Variants in ARPC1B observed in about 807,000 individuals in gnomAD.
ARPC1B encodes actin related protein 2/3 complex subunit 1B.
Under a neutral mutation model 46.0 loss-of-function variants are expected in ARPC1B, and 29 were observed. The ratio of observed to expected loss-of-function variants is 0.63; its 90% CI spans 0.47 to 0.86. ARPC1B has a LOEUF of 0.86. Among genes scored for constraint, ARPC1B ranks in the 40% least tolerant of loss-of-function variants. The pLI is 0.00. For missense variants in ARPC1B, 469 were observed against 529.4 expected (o/e 0.89, Z 1.12); for synonymous variants, 201 against 213.9 (o/e 0.94, Z 0.53).
chr7:99,388,535 T>C (rs1794473360), intron 4 of ARPC1B: 2 of 444,586 alleles, frequency 4.5e-6, no homozygotes. Context: ...TGCAGCTCCG[T>C]GGACTGGGCA....
intron 1 of ARPC1B, among the ~76,000 whole-genome samples, chr7:99,376,744 C>T (rs1794039614): frequency 2.0e-5 from 3 of 152,028 alleles, no homozygotes; most frequent in African/African-American, 7.2e-5. Flanking sequence ...GTGGTGGGCA[C>T]CTGTAATCCC....
At chr7:99,384,492 G>A (rs1794318754) in intron 1 of ARPC1B, among the ~76,000 whole-genome samples, 1 of 152,146 alleles carries the variant, frequency 6.6e-6, no homozygotes, top group Non-Finnish European at 1.5e-5. Context: ...TGGCTGCAGT[G>A]AGCCATGATC....
intron 1 of ARPC1B, among the ~76,000 whole-genome samples, chr7:99,382,566 C>T (rs1475340461): frequency 1.3e-5 from 2 of 152,060 alleles, no homozygotes; most frequent in Non-Finnish European, 2.9e-5. Flanking sequence ...AACTCCTAGG[C>T]TAAGCAATCC....
intron 1 of ARPC1B, among the ~76,000 whole-genome samples, chr7:99,378,370 A>G (rs1794093350): frequency 6.7e-6 from 1 of 149,972 alleles, no homozygotes; most frequent in Admixed American, 6.7e-5. Flanking sequence ...ATGGCACCCC[A>G]CCTGTTTGCT....
chr7:99,394,779 T>TTAAA lies in ARPC1B; in HGVS notation c.*290_*291insTAAA, dbSNP rs1554350911. The TTAAA allele has an allele frequency of 1.5e-4, 146 of 958,110 alleles. 2 individuals are homozygous for TTAAA. The South Asian group carries it at 5.7e-3, about 38-fold the overall frequency. 59.4% of individuals were successfully genotyped at this position (958,110 alleles called of 1,614,324 possible). A position where few individuals can be genotyped will look rare whatever the true frequency, so the allele number is the denominator to read the frequency against. On this transcript the variant is annotated 3_prime_UTR_variant, in exon 10 of 10. Coordinates refer to ENST00000646101, the MANE Select transcript of ARPC1B (RefSeq NM_005720.4). Reference sequence around the variant, plus strand: ...GTGGAGGTAATAAAATGCAACTGTGTAAAAAAAAAAAAAAAAAAAAAAGTA... The same window carrying TTAAA: ...GTGGAGGTAATAAAATGCAACTGTGTTAAAAAAAAAAAAAAAAAAAAAAAAAGTA...
Position 99,374,962 on chromosome 7 carries a change from G to A in ARPC1B, c.-14+181G>A, listed in dbSNP as rs1324579803. On this transcript the variant is annotated intron_variant, in intron 1 of 9. Transcript: ENST00000646101. This position sits in a 1 kb window ranked among gnomAD's most constrained non-coding sequence, Gnocchi z 5.0. ...CATAGATGTGGGGCGCCGCCCAATA[G>A]GGGCACGGGGATGAGTGGGGGCACA... Among the ~76,000 whole-genome samples, 1 of 151,288 alleles carries A rather than the reference G, an allele frequency of 6.6e-6. No homozygotes were observed. The highest frequency in any genetic ancestry group is 1.5e-5 in the Non-Finnish European group (1 of 67,632).
At position 99,392,666 on chromosome 7, in the gene ARPC1B, C is replaced by A. The variant is rs541364778; in HGVS notation, c.784-5C>A. On this transcript the variant is annotated splice_polypyrimidine_tract_variant and splice_region_variant and intron_variant, in intron 7 of 9. Coordinates refer to ENST00000646101, the MANE Select transcript of ARPC1B (RefSeq NM_005720.4). The stretch of plus-strand genomic sequence containing the variant: ...GCGCTCCAATGGCCCCCGCCCTCCG[C>A]GCAGGGCCACGACTGCTTCCCGGTG... The A allele has an allele frequency of 2.0e-6, 3 of 1,511,200 alleles. No homozygotes were observed. In the African/African-American group the frequency reaches 4.2e-5, roughly 21 times the overall value. 93.6% of individuals were successfully genotyped at this position (1,511,200 alleles called of 1,614,324 possible).
chr7:99,386,385 C>A (rs1450108203), intron 2 of ARPC1B: 3 of 543,692 alleles, frequency 5.5e-6, no homozygotes, highest in Non-Finnish European at 1.1e-5. Context: ...TGGGGAGGGG[C>A]TGGCAGGTGC....
intron 7 of ARPC1B, 138 bp downstream of exon 7, chr7:99,391,391 G>A: frequency 1.1e-6 from 1 of 934,406 alleles, no homozygotes; most frequent in Non-Finnish European, 1.6e-6. Flanking sequence ...ACCAGAATTG[G>A]GCAGAACAGG....
rs759537436 is a variant in ARPC1B, at chr7:99,390,931, C to T, written c.539C>T (p.Pro180Leu). 1.6e-5 allele frequency: 25 copies of T among 1,612,306 alleles called. No individual in the cohort carries two copies. The highest frequency in any genetic ancestry group is 6.7e-5 in the African/African-American group (5 of 74,908). The change falls in exon 6 of 10, where the codon CCG becomes CTG. Residue 180 changes from proline (P) to leucine (L), a missense_variant. Transcript: ENST00000646101. The part of the protein sequence containing the change: ...SAYIKEVEER[P>L]APTPWGSKMP... ...TACATCAAGGAGGTGGAGGAACGGC[C>T]GGCACCCACCCCGTGGGGCTCCAAG...
chr7:99,383,746 C>T (rs796725912), intron 1 of ARPC1B, among the ~76,000 whole-genome samples: 14 of 152,186 alleles, frequency 9.2e-5, no homozygotes, highest in African/African-American at 2.2e-4. Flanking sequence ...ACAGCCAGCA[C>T]GGAAGCCCGA....
At position 99,388,281 on chromosome 7, in the gene ARPC1B, CAG is replaced by C; in HGVS notation, c.392+23_392+24del. On this transcript the variant is annotated intron_variant, in intron 4 of 9. Coordinates refer to ENST00000646101, the MANE Select transcript of ARPC1B (RefSeq NM_005720.4). Reference sequence around the variant, plus strand: ...TGACTGGTGGGTACCTAGGCAGGGCCAGAGTGGGCTGTTAGGGACCGGGGGCA... The same window carrying C: ...TGACTGGTGGGTACCTAGGCAGGGCCAGTGGGCTGTTAGGGACCGGGGGCA... The C allele has an allele frequency of 1.2e-6, 2 of 1,611,176 alleles. No individual in the cohort carries two copies. The highest frequency in any genetic ancestry group is 1.7e-6 in the Non-Finnish European group (2 of 1,177,602).
At chr7:99,392,588 G>A (rs1397726298) in intron 7 of ARPC1B, 83 bp from the exon 8 acceptor site, 2 of 1,265,824 alleles carry the variant, frequency 1.6e-6, no homozygotes, top group African/African-American at 1.6e-5. Context: ...TCTGCCTCCC[G>A]GGCGGCCAGA....
intron 8 of ARPC1B, among the ~76,000 whole-genome samples, chr7:99,393,692 A>G (rs917432355): frequency 9.9e-5 from 15 of 152,180 alleles, no homozygotes; most frequent in South Asian, 4.1e-4. Context: ...TGGCTTCCTC[A>G]GATGAAACAC....
rs200703477 is a variant in ARPC1B, at chr7:99,390,905, C to T, written c.513C>T (p.Ala171=). The change falls in exon 6 of 10, where the codon GCC becomes GCT. Residue 171 remains alanine, a synonymous_variant. Coordinates refer to ENST00000646101, the MANE Select transcript of ARPC1B (RefSeq NM_005720.4). ...CCTATCCCGGTAGGATCTTTTCAGC[C>T]TACATCAAGGAGGTGGAGGAACGGC... ...SCDFKCRIFS[A]YIKEVEERPA... is the part of the protein sequence containing the mutation. 1.6e-5 allele frequency: 26 copies of T among 1,607,588 alleles called. No individual in the cohort carries two copies. The East Asian group carries it at 5.4e-4, about 33-fold the overall frequency.
At chr7:99,391,359 T>A (rs1168618304) in intron 7 of ARPC1B, 106 bp downstream of exon 7, 16 of 1,206,670 alleles carry the variant, frequency 1.3e-5, no homozygotes, top group Non-Finnish European at 1.8e-5. Context: ...CTCCTTTTTT[T>A]CTTCCTTGCA....
rs754153254 is a variant in ARPC1B at position 99,391,216 on chromosome 7, C to T, written c.746C>T (p.Ala249Val). 39 of 1,613,926 alleles carry T rather than the reference C, an allele frequency of 2.4e-5. No individual in the cohort carries two copies. Among genetic ancestry groups the T allele is most frequent in the Admixed American group, 6.7e-5 (4 of 59,996 alleles). ...TLASETLPLL[A>V]LTFITDNSLV... ...GCCTCTGAAACACTACCACTGCTGGCGCTGACCTTCATCACAGACAACAGC... is the reference window on the plus strand; with the variant it reads ...GCCTCTGAAACACTACCACTGCTGGTGCTGACCTTCATCACAGACAACAGC... The change falls in exon 7 of 10, where the codon GCG becomes GTG. Residue 249 changes from alanine to valine, a missense_variant. Ala to Val is a moderately conservative substitution (Grantham distance 64). Coordinates refer to ENST00000646101, the MANE Select transcript of ARPC1B (RefSeq NM_005720.4).
chr7:99,384,954 ATTTTTTTTTTT>A (rs753952597), intron 1 of ARPC1B, among the ~76,000 whole-genome samples: 16 of 67,418 alleles, frequency 2.4e-4, no homozygotes, highest in South Asian at 2.2e-3. Context: ...CACCTGGCTA[ATTTTTTTTTTT>A]TTTTTTTTTT....
At chr7:99,383,017 G>C (rs1261554351) in intron 1 of ARPC1B, among the ~76,000 whole-genome samples, 1 of 151,434 alleles carries the variant, frequency 6.6e-6, no homozygotes, top group Non-Finnish European at 1.5e-5. Flanking sequence ...GCTAATTTTT[G>C]TATTTTTAGT....
Sources: gnomAD v4.1 joint callset for allele counts (sites outside exome capture counted in the v4.1 genomes callset) on GRCh38, gnomAD v4.1.1 for gene constraint, Gnocchi (gnomAD v3.1) non-coding constraint, MANE v1.5 for transcripts, NCBI Gene and HGNC (gene_info 2026-07-23, HGNC 2026-07-21) for gene names.